CSGALNACT1: variants seen among roughly 807,000 people sequenced by gnomAD.
CSGALNACT1 encodes the protein beta4GalNAcT-1.
Under a neutral mutation model 51.0 loss-of-function variants are expected in CSGALNACT1, and 52 were observed. The observed-to-expected ratio is 1.02, with a 90% CI of 0.82 to 1.29. CSGALNACT1 has a LOEUF of 1.29. Among genes scored for constraint, CSGALNACT1 ranks in the 50% most tolerant of loss-of-function variants. The pLI, the probability that CSGALNACT1 is intolerant of heterozygous loss-of-function variation, is 0.00. For missense variants in CSGALNACT1, 935 were observed against 679.2 expected (o/e 1.38, Z -4.19); for synonymous variants, 341 against 254.4 (o/e 1.34, Z -3.24).
chr8:19,583,314 T>C (rs961924409), intron 3 of CSGALNACT1, among the ~76,000 whole-genome samples: 1 of 152,236 alleles, frequency 6.6e-6, no homozygotes, highest in Non-Finnish European at 1.5e-5. Context: ...TTGTACATCT[T>C]TGAGTTATTC....
chr8:19,577,158 C>G (rs577747551), intron 3 of CSGALNACT1, among the ~76,000 whole-genome samples: 4 of 152,322 alleles, frequency 2.6e-5, no homozygotes, highest in Admixed American at 1.3e-4. Context: ...AGTGCCCCTT[C>G]TTGCACCTAG....
chr8:19,637,488 G>C (rs1268056678), intron 1 of CSGALNACT1, among the ~76,000 whole-genome samples: 1 of 152,074 alleles, frequency 6.6e-6, no homozygotes, highest in African/African-American at 2.4e-5. Context: ...GTTAGGTCTT[G>C]ATTATTCCCC....
intron 9 of CSGALNACT1, among the ~76,000 whole-genome samples, chr8:19,407,533 A>T (rs1375998986): frequency 6.6e-6 from 1 of 152,184 alleles, no homozygotes; most frequent in Non-Finnish European, 1.5e-5. Flanking sequence ...TCCAAGAGTC[A>T]GTATTGCTAT....
intron 1 of CSGALNACT1, among the ~76,000 whole-genome samples, chr8:19,645,295 G>C (rs2057158433): frequency 6.6e-6 from 1 of 152,220 alleles, no homozygotes. Context: ...ACATACAACA[G>C]TGGGACATAG....
chr8:19,507,611 A>C (rs892397073), intron 3 of CSGALNACT1, among the ~76,000 whole-genome samples: 1 of 151,436 alleles, frequency 6.6e-6, no homozygotes, highest in Non-Finnish European at 1.5e-5. Context: ...TTTTAATGAA[A>C]CCTTCCTAAA....
At chr8:19,756,980 C>A (rs1185089567) in intron 1 of CSGALNACT1, among the ~76,000 whole-genome samples, 25 of 110,442 alleles carry the variant, frequency 2.3e-4, no homozygotes, top group Non-Finnish European at 1.9e-5. Context: ...CGGTCCCCGG[C>A]CCCTGCCCGT....
At chr8:19,522,246 C>T (rs2080876325) in intron 3 of CSGALNACT1, among the ~76,000 whole-genome samples, 1 of 152,104 alleles carries the variant, frequency 6.6e-6, no homozygotes, top group South Asian at 2.1e-4. Flanking sequence ...AAAACTACCA[C>T]CAAGAAATAA....
At chr8:19,487,082 T>C (rs948465622) in intron 4 of CSGALNACT1, among the ~76,000 whole-genome samples, 22 of 152,236 alleles carry the variant, frequency 1.4e-4, no homozygotes, top group African/African-American at 5.1e-4. Context: ...CATGCTTTTA[T>C]ATAATGCTTC....
At chr8:19,520,306 G>A (rs1395443165) in intron 3 of CSGALNACT1, among the ~76,000 whole-genome samples, 1 of 152,190 alleles carries the variant, frequency 6.6e-6, no homozygotes, top group African/African-American at 2.4e-5. Context: ...AAAATGTAGG[G>A]AAAAATAACA....
At chr8:19,464,843 C>T (rs555951867) in intron 4 of CSGALNACT1, among the ~76,000 whole-genome samples, 11 of 152,256 alleles carry the variant, frequency 7.2e-5, no homozygotes, top group Admixed American at 2.0e-4. Context: ...TAGGGACTGC[C>T]GACAACTTTC....
intron 5 of CSGALNACT1, among the ~76,000 whole-genome samples, chr8:19,450,804 G>A (rs953139233): frequency 2.0e-5 from 3 of 152,040 alleles, no homozygotes; most frequent in African/African-American, 4.8e-5. Flanking sequence ...CAGCTACTCA[G>A]GAGTCTGAGG....
rs1389419491 is a variant in CSGALNACT1, at chr8:19,439,814, T to C, written c.953+16A>G. 6.3e-7 allele frequency: 1 copy of C among 1,591,446 alleles called. No homozygotes were observed. Among genetic ancestry groups the C allele is most frequent in the Non-Finnish European group, 8.6e-7 (1 of 1,159,586 alleles). On this transcript the variant is annotated intron_variant, in intron 6 of 9. Coordinates refer to ENST00000454498, the Ensembl canonical transcript of CSGALNACT1. Reference sequence around the variant, plus strand: ...AGTTACCAGGATTCCTTATGACAGCTCCGTATTGTACTCACTTGGAAGTGT... The same window carrying C: ...AGTTACCAGGATTCCTTATGACAGCCCCGTATTGTACTCACTTGGAAGTGT...
chr8:19,481,524 C>T (rs1318517697), intron 4 of CSGALNACT1, among the ~76,000 whole-genome samples: 2 of 152,124 alleles, frequency 1.3e-5, no homozygotes, highest in East Asian at 3.9e-4. Flanking sequence ...TCATCAAAGT[C>T]TACCCAAACC....
chr8:19,530,477 T>C (rs1199592434), intron 3 of CSGALNACT1, among the ~76,000 whole-genome samples: 1 of 152,206 alleles, frequency 6.6e-6, no homozygotes, highest in African/African-American at 2.4e-5. Flanking sequence ...GTCTCTACAT[T>C]TATGCATTAT....
At position 19,666,988 on chromosome 8, in the gene CSGALNACT1, A is replaced by G. The variant is rs867485990; in HGVS notation, c.-544+15485T>C. 7.9e-3 allele frequency among the ~76,000 whole-genome samples: 137 copies of G among 17,242 alleles called. 3 individuals carry two copies. Among genetic ancestry groups the G allele is most frequent in the Middle Eastern group, 0.045 (1 of 22 alleles). The allele number at this position is 17,242 out of a possible 152,430, so 11.3% of individuals were successfully genotyped here. On this transcript the variant is annotated intron_variant, in intron 1 of 9. Transcript: ENST00000332246. ...GAAAGAAAGAAAGAAAGAAAGAAAG[A>G]AAGAAAGAAAGAAAGAAAGAAAGAA...
chr8:19,491,049 G>A (rs1421008595), intron 4 of CSGALNACT1, among the ~76,000 whole-genome samples: 2 of 150,806 alleles, frequency 1.3e-5, no homozygotes, highest in African/African-American at 4.9e-5. Flanking sequence ...GAAAGTATCT[G>A]GAAAACACAG....
At chr8:19,541,246 ATTTT>A (rs34749639) in intron 3 of CSGALNACT1, among the ~76,000 whole-genome samples, 1 of 111,318 alleles carries the variant, frequency 9.0e-6, no homozygotes, top group Admixed American at 9.9e-5. Context: ...AACTTGGCTA[ATTTT>A]TTTTTTTTTT....
At chr8:19,535,080 C>T (rs1296384877) in intron 3 of CSGALNACT1, among the ~76,000 whole-genome samples, 3 of 152,058 alleles carry the variant, frequency 2.0e-5, no homozygotes, top group Admixed American at 1.3e-4. Flanking sequence ...GGCTTAAAAC[C>T]ATCTGTGCTG....
Position 19,736,640 on chromosome 8 carries a change from T to C in CSGALNACT1, c.-297+21210A>G, listed in dbSNP as rs377113654. On this transcript the variant is annotated intron_variant, in intron 1 of 1. Coordinates refer to the CSGALNACT1 transcript ENST00000517494. ...TTGACATTAGAAACCGAATAGATGGTCTACATGTTGTATTGGACATGGTTA... is the reference window on the plus strand; with the variant it reads ...TTGACATTAGAAACCGAATAGATGGCCTACATGTTGTATTGGACATGGTTA... 6.6e-5 allele frequency among the ~76,000 whole-genome samples: 10 copies of C among 152,248 alleles called. No individual in the cohort carries two copies. In the East Asian group the frequency reaches 1.5e-3, roughly 23 times the overall value.
Sources: allele counts gnomAD v4.1 joint callset (sites outside exome capture counted in the v4.1 genomes callset), GRCh38; gene constraint gnomAD v4.1.1; transcripts MANE v1.5; gene names NCBI Gene and HGNC (gene_info 2026-07-23, HGNC 2026-07-21).